FANCI: variants seen among roughly 807,000 people sequenced by gnomAD.
FANCI encodes FA complementation group I, also known as Fanconi anemia group I protein.
A neutral mutation model predicts 176.1 loss-of-function variants in FANCI; 156 were observed. That is an observed-to-expected ratio of 0.89 (90% CI 0.78 to 1.01). The LOEUF (loss-of-function observed/expected upper bound fraction) is 1.01, where lower values mean the gene tolerates loss of function less well. Ranked by LOEUF, FANCI falls within the 50% of genes least tolerant of loss-of-function variation. The pLI, the probability that FANCI is intolerant of heterozygous loss-of-function variation, is 0.00. For missense variants in FANCI, 1,678 were observed against 1,534.1 expected, an observed-to-expected ratio of 1.09 and a Z score of -1.57; for synonymous variants, 613 against 541.7, an observed-to-expected ratio of 1.13 and a Z score of -1.83.
In FANCI at chr15:89,283,257, A is replaced by T; in HGVS notation, c.1698+7A>T. Reference sequence around the variant, plus strand: ...GTCTCTCAGTGTCAGTCAGGTAAGGATTATTTACGTTAACTTGCAGTGTGT... The same window carrying T: ...GTCTCTCAGTGTCAGTCAGGTAAGGTTTATTTACGTTAACTTGCAGTGTGT... On this transcript the variant is annotated splice_region_variant and intron_variant, in intron 17 of 37. Coordinates refer to ENST00000310775, the MANE Select transcript of FANCI (RefSeq NM_001113378.2). The T allele has an allele frequency of 6.2e-7, 1 of 1,613,976 alleles. No homozygotes were observed. Among genetic ancestry groups the T allele is most frequent in the Non-Finnish European group, 8.5e-7 (1 of 1,179,910 alleles).
At chr15:89,310,123 C>T (rs781101691) in intron 34 of FANCI, among the ~76,000 whole-genome samples, 6 of 152,256 alleles carry the variant, frequency 3.9e-5, no homozygotes, top group Non-Finnish European at 8.8e-5. Flanking sequence ...TAGTTAGACT[C>T]GATAGCAGGA....
intron 20 of FANCI, 112 bp downstream of exon 20, chr15:89,291,826 T>A (rs915557228): frequency 1.2e-6 from 1 of 864,316 alleles, no homozygotes; most frequent in Non-Finnish European, 1.9e-6. Context: ...TTCCAATGAA[T>A]GTTTACTTTT....
At chr15:89,290,543 A>T (rs543578414) in intron 19 of FANCI, 1 of 466,812 alleles carries the variant, frequency 2.1e-6, no homozygotes, top group African/African-American at 2.0e-5. Flanking sequence ...TTGAAGAACC[A>T]TTTATATAAG....
chr15:89,292,955 A>C lies in FANCI; in HGVS notation c.2183A>C (p.Asp728Ala). Residue 728 changes from aspartate (D) to alanine (A), a missense_variant, in exon 22 of 38, where the codon GAT becomes GCT. Physicochemically the swap from Asp to Ala is moderately radical, Grantham distance 126. Around this residue, in one of 3 missense-constraint regions of FANCI, gnomAD observed 1,204 missense variants for 1,077.4 expected, o/e 1.12. Coordinates refer to ENST00000310775, the MANE Select transcript of FANCI (RefSeq NM_001113378.2). ...LEDFELDKSA[D>A]FSQSTSIGIK... is the part of the protein sequence containing the mutation. ...TGTGTCTTTTAGGATAAATCAGCAG[A>C]TTTTTCTCAGAGCACCAGTATTGGC... The C allele has an allele frequency of 6.2e-7, 1 of 1,614,032 alleles. No homozygotes were observed.
At chr15:89,273,006 T>C (rs910170095) in intron 10 of FANCI, among the ~76,000 whole-genome samples, 5 of 151,992 alleles carry the variant, frequency 3.3e-5, no homozygotes, top group African/African-American at 1.2e-4. Context: ...ACTTTTAAGA[T>C]GTATGTAATG....
chr15:89,280,182 C>T (rs1345817717), intron 14 of FANCI, among the ~76,000 whole-genome samples: 1 of 152,074 alleles, frequency 6.6e-6, no homozygotes, highest in Non-Finnish European at 1.5e-5. Context: ...CCACCACACC[C>T]AGCTAATTTT....
chr15:89,312,690 C>T (rs547234371), intron 34 of FANCI, among the ~76,000 whole-genome samples: 4 of 151,884 alleles, frequency 2.6e-5, no homozygotes, highest in South Asian at 2.1e-4. Flanking sequence ...TGTGGTGGCA[C>T]GTGCCTGTAG....
chr15:89,276,941 A>G (rs1422847327), intron 13 of FANCI, 50 bp downstream of exon 13: 12 of 1,599,614 alleles, frequency 7.5e-6, no homozygotes, highest in Non-Finnish European at 1.0e-5. Context: ...AAATAATCCA[A>G]GTAGGGCTTG....
intron 15 of FANCI, 36 bp downstream of exon 15, chr15:89,281,336 T>G (rs766423095): frequency 2.6e-5 from 42 of 1,612,288 alleles, no homozygotes; most frequent in Non-Finnish European, 3.5e-5. Flanking sequence ...TTGCCAAAAC[T>G]GAGGTTTAAC....
At chr15:89,307,731 A>C in intron 34 of FANCI, 59 bp downstream of exon 34, 42 of 1,613,966 alleles carry the variant, frequency 2.6e-5, no homozygotes, top group Non-Finnish European at 3.6e-5. Flanking sequence ...TTACATGCCC[A>C]GGGGACTATT....
At chr15:89,298,318 G>T (rs1157468090) in intron 24 of FANCI, among the ~76,000 whole-genome samples, 1 of 152,040 alleles carries the variant, frequency 6.6e-6, no homozygotes, top group Non-Finnish European at 1.5e-5. Flanking sequence ...CAGAATTAAA[G>T]AAGAAAGCAG....
intron 34 of FANCI, among the ~76,000 whole-genome samples, chr15:89,311,424 A>C (rs978360072): frequency 1.3e-5 from 2 of 152,196 alleles, no homozygotes; most frequent in Non-Finnish European, 1.5e-5. Context: ...ACCTCAAAAA[A>C]AGATGCTTCT....
chr15:89,278,601 G>A (rs1445449201), intron 13 of FANCI, 86 bp from the exon 14 acceptor site: 3 of 941,910 alleles, frequency 3.2e-6, no homozygotes, highest in Non-Finnish European at 5.2e-6. Context: ...ATATCCAAAC[G>A]GTTCTTCATG....
intron 34 of FANCI, chr15:89,308,175 A>C: frequency 9.6e-7 from 1 of 1,039,192 alleles, no homozygotes; most frequent in Non-Finnish European, 1.2e-6. Flanking sequence ...CAGTTTTTTA[A>C]CCTCACCACT....
At position 89,279,993 on chromosome 15, in the gene FANCI, A is replaced by G. The variant is rs150435027; in HGVS notation, c.1382-1177A>G. On this transcript the variant is annotated intron_variant, in intron 14 of 37. Transcript: ENST00000310775. ...CCACCTTATGACTACAGAATCATCA[A>G]TATGTTCTTTAGTAAATTGTCAGCT... Among the ~76,000 whole-genome samples the G allele has an allele frequency of 7.9e-5, 12 of 152,174 alleles. No individual in the cohort carries two copies. The East Asian group carries it at 1.7e-3, about 22-fold the overall frequency.
At chr15:89,269,902 C>T (rs1212704710) in intron 10 of FANCI, among the ~76,000 whole-genome samples, 1 of 152,078 alleles carries the variant, frequency 6.6e-6, no homozygotes, top group African/African-American at 2.4e-5. Flanking sequence ...CCTCCACCTC[C>T]CAGGTTCAAG....
chr15:89,277,182 A>G (rs2053440253), intron 13 of FANCI, among the ~76,000 whole-genome samples: 1 of 152,218 alleles, frequency 6.6e-6, no homozygotes, highest in Admixed American at 6.5e-5. Context: ...TTCTTCTTCC[A>G]GAAGTAAACC....
At chr15:89,309,002 G>A (rs1053744700) in intron 34 of FANCI, among the ~76,000 whole-genome samples, 1 of 151,022 alleles carries the variant, frequency 6.6e-6, no homozygotes, top group Non-Finnish European at 1.5e-5. Flanking sequence ...GGGTTTAGCT[G>A]AAGGAGTTCT....
chr15:89,275,238 T>G (rs2053367797), intron 12 of FANCI, among the ~76,000 whole-genome samples: 1 of 152,140 alleles, frequency 6.6e-6, no homozygotes, highest in Non-Finnish European at 1.5e-5. Flanking sequence ...ACTCATGGCC[T>G]CTTTTTAAAG....
Sources: allele counts gnomAD v4.1 joint callset (sites outside exome capture counted in the v4.1 genomes callset), GRCh38; gene constraint gnomAD v4.1.1; regional missense constraint gnomAD v4.1.1; transcripts MANE v1.5; gene names NCBI Gene and HGNC (gene_info 2026-07-23, HGNC 2026-07-21).